Variants in BTBD8 observed in about 807,000 individuals in gnomAD.
BTBD8 encodes BTB domain containing 8, also known as BTB/POZ domain-containing protein 8.
A neutral mutation model predicts 162.9 loss-of-function variants in BTBD8; 110 were observed. The ratio of observed to expected loss-of-function variants is 0.68; its 90% confidence interval spans 0.58 to 0.79. The LOEUF (loss-of-function observed/expected upper bound fraction) is 0.79, where lower values mean the gene tolerates loss of function less well. BTBD8 is among the 30% of genes least tolerant of loss of function. The pLI is 0.00. For synonymous variants in BTBD8, 667 were observed against 716.1 expected, an observed-to-expected ratio of 0.93 and a Z score of 1.10; for missense variants, 1,905 against 2,085.4, an observed-to-expected ratio of 0.91 and a Z score of 1.68.
intron 2 of BTBD8, among the ~76,000 whole-genome samples, chr1:92,092,658 G>A (rs1648344765): frequency 6.6e-6 from 1 of 152,150 alleles, no homozygotes; most frequent in African/African-American, 2.4e-5. Context: ...TTTATTTCTG[G>A]TTTCTCAGTT....
Position 92,178,031 on chromosome 1 carries a change from GTTTT to G in BTBD8, c.2441+136_2441+139del, listed in dbSNP as rs1393083820. 7 of 567,512 alleles carry G rather than the reference GTTTT, an allele frequency of 1.2e-5. No homozygotes were observed. The South Asian group carries it at 2.2e-4, about 18-fold the overall frequency. The allele number at this position is 567,512 out of a possible 1,614,324, so 35.2% of individuals were successfully genotyped here. On this transcript the variant is annotated intron_variant, in intron 15 of 17. Coordinates refer to ENST00000636805, the MANE Select transcript of BTBD8 (RefSeq NM_001376131.1). ...TGTATTTACATAATATTTTAACACA[GTTTT>G]TTATTTATTAAAAGAAATTAGTATA...
chr1:92,137,820 C>T (rs1175699662), intron 5 of BTBD8, among the ~76,000 whole-genome samples: 5 of 152,006 alleles, frequency 3.3e-5, no homozygotes, highest in Admixed American at 1.3e-4. Context: ...ATTTATGTTT[C>T]GTATACACTG....
chr1:92,147,533 G>T (rs1649953106), intron 8 of BTBD8, 151 bp from the exon 9 acceptor site: 1 of 632,950 alleles, frequency 1.6e-6, no homozygotes. Context: ...TTACAGGAAA[G>T]AGAATATAAA....
chr1:92,108,778 G>T (rs942829132), intron 4 of BTBD8, among the ~76,000 whole-genome samples: 2 of 152,220 alleles, frequency 1.3e-5, no homozygotes, highest in African/African-American at 4.8e-5. Context: ...TAGGAACCCA[G>T]CCAGTTCTTC....
chr1:92,088,729 A>G lies in BTBD8; in HGVS notation c.181A>G (p.Thr61Ala). 6.2e-7 allele frequency: 1 copy of G among 1,611,006 alleles called. No individual in the cohort carries two copies. The highest frequency in any genetic ancestry group is 8.5e-7 in the Non-Finnish European group (1 of 1,178,370). ...LLREEFHTDV[T>A]FSVGCTLFKA... ...AAGGGAAGAATTCCATACAGATGTT[A>G]CCTTCTCTGTGGGTTGTACTTTGTT... Residue 61 changes from threonine to alanine, a missense_variant, in exon 2 of 18, where the codon ACC (threonine) becomes GCC (alanine). Thr to Ala is a moderately conservative substitution (Grantham distance 58, BLOSUM62 0). Coordinates refer to ENST00000636805, the MANE Select transcript of BTBD8 (RefSeq NM_001376131.1).
chr1:92,110,686 GC>G (rs1210980798), intron 4 of BTBD8, among the ~76,000 whole-genome samples: 1 of 152,090 alleles, frequency 6.6e-6, no homozygotes, highest in East Asian at 1.9e-4. Context: ...GGGACTACAG[GC>G]ATCTGCCACC....
intron 2 of BTBD8, among the ~76,000 whole-genome samples, chr1:92,091,536 C>T (rs916955512): frequency 2.7e-5 from 4 of 146,210 alleles, no homozygotes; most frequent in African/African-American, 1.0e-4. Context: ...GCTGGTCTCT[C>T]TTTTTTTTTT....
chr1:92,160,397 C>A (rs988765505), intron 9 of BTBD8, among the ~76,000 whole-genome samples: 11 of 152,092 alleles, frequency 7.2e-5, no homozygotes, highest in African/African-American at 2.7e-4. Flanking sequence ...GAACATATTT[C>A]TTTGTTCATT....
At chr1:92,114,011 CAAAA>C (rs35277981) in intron 4 of BTBD8, among the ~76,000 whole-genome samples, 1 of 94,990 alleles carries the variant, frequency 1.1e-5, no homozygotes, top group Non-Finnish European at 2.1e-5. Context: ...GACTCCGTCT[CAAAA>C]AAAAAAAAAA....
rs1277026644 is a variant in BTBD8, at chr1:92,128,123, A to AT, written c.663-1554dup. Among the ~76,000 whole-genome samples the AT allele has an allele frequency of 2.8e-4, 41 of 148,716 alleles. No individual in the cohort carries two copies. In the East Asian group the frequency reaches 4.0e-3, roughly 14 times the overall value. ...CAATGATACCCAACAGTTTATTTTT[A>AT]TTTTTTTTTTGAGGCGGAGTTTCGC... is the stretch of plus-strand genomic sequence containing the variant. On this transcript the variant is annotated intron_variant, in intron 4 of 17. Coordinates refer to ENST00000636805, the MANE Select transcript of BTBD8 (RefSeq NM_001376131.1).
rs748295905 is a variant in BTBD8 at position 92,181,191 on chromosome 1, G to A, written c.3508G>A (p.Val1170Met). The change falls in exon 17 of 18, where the codon GTG becomes ATG. Residue 1170 changes from valine to methionine, a missense_variant. Physicochemically the swap from Val to Met is conservative, Grantham distance 21. Around this residue, in one of 3 missense-constraint regions of BTBD8, gnomAD observed 1,374 missense variants for 1,442.7 expected, o/e 0.95. Coordinates refer to ENST00000636805, the MANE Select transcript of BTBD8 (RefSeq NM_001376131.1). ...AGAAGACAAAAAATCGAAAGTTCCTGTGGAAGGACTGACAATTCCTAGTAA... is the reference window on the plus strand; with the variant it reads ...AGAAGACAAAAAATCGAAAGTTCCTATGGAAGGACTGACAATTCCTAGTAA... ...AQEDKKSKVP[V>M]EGLTIPSKLS... 2 of 1,551,602 alleles carry A rather than the reference G, an allele frequency of 1.3e-6. No homozygotes were observed. The highest frequency in any genetic ancestry group is 1.7e-6 in the Non-Finnish European group (2 of 1,146,998).
chr1:92,167,151 TA>T lies in BTBD8; in HGVS notation c.1305+14del. 1 of 1,550,122 alleles carries T rather than the reference TA, an allele frequency of 6.5e-7. No individual in the cohort carries two copies. On this transcript the variant is annotated intron_variant, in intron 10 of 17. Transcript: ENST00000636805. ...GCTCTTCTTTTACAGGTACTATGCC[TA>T]AATTATATCCTATATTTAGTTCCAT...
intron 16 of BTBD8, among the ~76,000 whole-genome samples, chr1:92,179,633 C>G (rs1447473580): frequency 6.6e-6 from 1 of 152,126 alleles, no homozygotes; most frequent in African/African-American, 2.4e-5. Context: ...AATATCATCT[C>G]TAAGACTTTC....
chr1:92,121,638 C>T (rs1184907730), intron 4 of BTBD8, among the ~76,000 whole-genome samples: 4 of 152,228 alleles, frequency 2.6e-5, no homozygotes, highest in African/African-American at 9.6e-5. Flanking sequence ...TGAATTTTGA[C>T]TAATGTATAA....
At chr1:92,130,545 C>T (rs923335891) in intron 5 of BTBD8, among the ~76,000 whole-genome samples, 2 of 141,036 alleles carry the variant, frequency 1.4e-5, no homozygotes, top group Admixed American at 1.5e-4. Context: ...TATTTACACA[C>T]ACACACACAC....
At chr1:92,165,082 C>G (rs2100664719) in intron 9 of BTBD8, among the ~76,000 whole-genome samples, 1 of 149,360 alleles carries the variant, frequency 6.7e-6, no homozygotes, top group East Asian at 2.0e-4. Flanking sequence ...GTTCAAGCCA[C>G]TACATTCCAG....
intron 2 of BTBD8, among the ~76,000 whole-genome samples, chr1:92,098,590 A>T (rs2128646): frequency 0.62 from 93,705 of 151,568 alleles, 29,539 homozygotes; most frequent in East Asian, 0.97. Context: ...GTTTTTTTTT[A>T]AAATTATACC....
chr1:92,084,159 T>G (rs1439793748), intron 1 of BTBD8, among the ~76,000 whole-genome samples: 1 of 152,224 alleles, frequency 6.6e-6, no homozygotes, highest in Non-Finnish European at 1.5e-5. Flanking sequence ...TATCCCATCT[T>G]TATCACCATT....
chr1:92,159,212 G>T (rs1046699680), intron 9 of BTBD8, among the ~76,000 whole-genome samples: 2 of 141,470 alleles, frequency 1.4e-5, no homozygotes, highest in Admixed American at 1.4e-4. Flanking sequence ...TTGCTCTGTC[G>T]CCTAGGCTGG....
Sources: gnomAD v4.1 joint callset for allele counts (sites outside exome capture counted in the v4.1 genomes callset) on GRCh38, gnomAD v4.1.1 for gene constraint, gnomAD v4.1.1 regional missense constraint, MANE v1.5 for transcripts, NCBI Gene and HGNC (gene_info 2026-07-23, HGNC 2026-07-21) for gene names.